The following SYT1 variants were observed in gnomAD, a reference collection of about 807,000 sequenced individuals.
SYT1 encodes the protein synaptotagmin 1.
A neutral mutation model predicts 44.8 loss-of-function variants in SYT1; 8 were observed. The observed-to-expected ratio is 0.18, with a 90% CI of 0.10 to 0.32. SYT1 has a LOEUF of 0.32. Among genes scored for constraint, SYT1 ranks in the 10% least tolerant of loss-of-function variants. The pLI, the probability that SYT1 is intolerant of heterozygous loss-of-function variation, is 1.00. For synonymous variants in SYT1, 154 were observed against 188.8 expected (o/e 0.82, Z 1.51); for missense variants, 286 against 509.3 (o/e 0.56, Z 4.22).
At chr12:79,240,247 A>G (rs1876424197) in intron 4 of SYT1, among the ~76,000 whole-genome samples, 1 of 152,228 alleles carries the variant, frequency 6.6e-6, no homozygotes, top group South Asian at 2.1e-4. Context: ...AAAAGGCAAT[A>G]GATTACCTTT....
chr12:79,109,037 A>G (rs1878869279), intron 3 of SYT1, among the ~76,000 whole-genome samples: 1 of 152,182 alleles, frequency 6.6e-6, no homozygotes, highest in African/African-American at 2.4e-5. Context: ...GGGTTCAAGG[A>G]AAAGAGGGAA....
intron 3 of SYT1, among the ~76,000 whole-genome samples, chr12:79,080,010 G>A (rs1038817074): frequency 6.6e-6 from 1 of 151,856 alleles, no homozygotes; most frequent in Non-Finnish European, 1.5e-5. Context: ...TTAATTTAAG[G>A]AGAATCTTAA....
chr12:79,213,200 C>T (rs976182253), intron 3 of SYT1, among the ~76,000 whole-genome samples: 10 of 152,002 alleles, frequency 6.6e-5, no homozygotes, highest in African/African-American at 1.2e-4. Flanking sequence ...TGTTTTTATG[C>T]GAAACTTCTC....
intron 9 of SYT1, among the ~76,000 whole-genome samples, chr12:79,356,111 C>T (rs1041233169): frequency 7.9e-5 from 12 of 151,472 alleles, no homozygotes; most frequent in African/African-American, 2.2e-4. Context: ...AGCCACGGCG[C>T]GTCTGGGAGA....
intron 8 of SYT1, among the ~76,000 whole-genome samples, chr12:79,349,012 AAAGAAAGAAAG>A (rs1882744962): frequency 7.3e-6 from 1 of 137,300 alleles, no homozygotes; most frequent in Admixed American, 7.6e-5. Context: ...AGAAAGAAAG[AAAGAAAGAAAG>A]AAAGAAAGAA....
In SYT1 at chr12:79,413,827, G is replaced by A. The variant is rs545379764; in HGVS notation, c.929-30246G>A. ...CTTCAGGTAATTGCATGCCTAAATAGTAAGGTACAAATAAAAACAGGAAGA... is the reference window on the plus strand; with the variant it reads ...CTTCAGGTAATTGCATGCCTAAATAATAAGGTACAAATAAAAACAGGAAGA... On this transcript the variant is annotated intron_variant, in intron 9 of 10. Transcript: ENST00000261205. Among the ~76,000 whole-genome samples the A allele has an allele frequency of 6.6e-5, 10 of 152,182 alleles. No individual in the cohort carries two copies. The South Asian group carries it at 2.1e-3, about 32-fold the overall frequency.
chr12:79,241,402 T>C (rs1231960325), intron 4 of SYT1, among the ~76,000 whole-genome samples: 1 of 151,990 alleles, frequency 6.6e-6, no homozygotes, highest in African/African-American at 2.4e-5. Flanking sequence ...TCCTGAGTAA[T>C]TGGGACTACA....
chr12:79,288,763 G>T (rs1367544640), intron 5 of SYT1, among the ~76,000 whole-genome samples: 1 of 152,118 alleles, frequency 6.6e-6, no homozygotes, highest in African/African-American at 2.4e-5. Context: ...AATGTGTGTG[G>T]ATATTTTAAT....
At chr12:79,145,735 TGG>T (rs1869839210) in intron 3 of SYT1, among the ~76,000 whole-genome samples, 1 of 148,748 alleles carries the variant, frequency 6.7e-6, no homozygotes, top group African/African-American at 2.5e-5. Context: ...TTAAACATAG[TGG>T]TTTTTTTTTT....
chr12:78,901,980 G>A (rs920993859), intron 1 of SYT1, among the ~76,000 whole-genome samples: 2 of 150,952 alleles, frequency 1.3e-5, no homozygotes, highest in Non-Finnish European at 3.0e-5. Flanking sequence ...AGTGGGAACT[G>A]AACAATAAGA....
chr12:79,149,597 C>A (rs1169824344), intron 3 of SYT1, among the ~76,000 whole-genome samples: 2 of 151,892 alleles, frequency 1.3e-5, no homozygotes, highest in African/African-American at 4.8e-5. Flanking sequence ...AAAATCCTTG[C>A]CTTTGCCCTT....
intron 9 of SYT1, among the ~76,000 whole-genome samples, chr12:79,366,373 T>G (rs1158714847): frequency 2.6e-5 from 4 of 152,250 alleles, no homozygotes; most frequent in South Asian, 2.1e-4. Context: ...TTTTAATAAC[T>G]CCATTAAAAT....
rs189051166 is a variant in SYT1 at position 79,248,050 on chromosome 12, C to T, written c.166+30365C>T. Among the ~76,000 whole-genome samples, 548 of 152,304 alleles carry T rather than the reference C, an allele frequency of 3.6e-3. 2 individuals are homozygous for T. The Middle Eastern group carries it at 0.037, about 10-fold the overall frequency. ...AGTCAAATTTTAAAGTTAACTTACA[C>T]AGAACTAAGCCCATTTGACCCAGTT... On this transcript the variant is annotated intron_variant, in intron 4 of 10. Transcript: ENST00000261205.
intron 4 of SYT1, 50 bp downstream of exon 4, chr12:79,217,735 C>A (rs891869702): frequency 3.3e-6 from 5 of 1,498,526 alleles, no homozygotes; most frequent in Non-Finnish European, 3.6e-6. Flanking sequence ...TTGAAAAATA[C>A]CCCATCCATT....
At chr12:78,939,537 A>G (rs896482887) in intron 1 of SYT1, among the ~76,000 whole-genome samples, 7 of 152,202 alleles carry the variant, frequency 4.6e-5, no homozygotes, top group African/African-American at 1.4e-4. Context: ...ATTAAAATCA[A>G]TACAAAATAA....
intron 1 of SYT1, among the ~76,000 whole-genome samples, chr12:78,887,187 G>T (rs533939782): frequency 6.6e-6 from 1 of 151,834 alleles, no homozygotes; most frequent in Non-Finnish European, 1.5e-5. Context: ...GAAATCTCAC[G>T]CCATCCTACT....
At chr12:79,236,981 G>A (rs1035502787) in intron 4 of SYT1, among the ~76,000 whole-genome samples, 10 of 152,306 alleles carry the variant, frequency 6.6e-5, no homozygotes, top group African/African-American at 9.6e-5. Flanking sequence ...AAACACAGAA[G>A]TAACATAATT....
chr12:79,420,792 A>G (rs1869061621), intron 9 of SYT1, among the ~76,000 whole-genome samples: 1 of 152,150 alleles, frequency 6.6e-6, no homozygotes, highest in Non-Finnish European at 1.5e-5. Flanking sequence ...AGTAGGAAAA[A>G]GTATTGCAAA....
rs201209266 is a variant in SYT1, at chr12:79,132,448, C to CAAA, written c.-17-85043_-17-85041dup. Reference sequence around the variant, plus strand: ...TGAGCGACAGAGCAAGATTCCGTCTCAAAAAAAAAAAAAATGCAAATGGCC... The same window carrying CAAA: ...TGAGCGACAGAGCAAGATTCCGTCTCAAAAAAAAAAAAAAAAATGCAAATGGCC... On this transcript the variant is annotated intron_variant, in intron 3 of 10. Coordinates refer to ENST00000261205, the MANE Select transcript of SYT1 (RefSeq NM_005639.3). 9.1e-3 allele frequency among the ~76,000 whole-genome samples: 1,043 copies of CAAA among 114,168 alleles called. 11 individuals are homozygous for CAAA. Among genetic ancestry groups the CAAA allele is most frequent in the African/African-American group, 0.028 (873 of 30,948 alleles). 74.9% of individuals were successfully genotyped at this position (114,168 alleles called of 152,430 possible). A position where few individuals can be genotyped will look rare whatever the true frequency, so the allele number is the denominator to read the frequency against.
Sources: gnomAD v4.1 joint callset for allele counts (sites outside exome capture counted in the v4.1 genomes callset) on GRCh38, gnomAD v4.1.1 for gene constraint, MANE v1.5 for transcripts, NCBI Gene and HGNC (gene_info 2026-07-23, HGNC 2026-07-21) for gene names.